DPYD: variants seen among roughly 807,000 people sequenced by gnomAD.
DPYD encodes the protein dihydropyrimidine dehydrogenase.
Under a neutral mutation model 116.2 loss-of-function variants are expected in DPYD, and 109 were observed. That is an observed-to-expected ratio of 0.94 (90% CI 0.80 to 1.10). The LOEUF (loss-of-function observed/expected upper bound fraction) is 1.10. Among genes scored for constraint, DPYD ranks in the 50% least tolerant of loss-of-function variants. The pLI, the probability that DPYD is intolerant of heterozygous loss-of-function variation, is 0.00. For missense variants in DPYD, 1,302 were observed against 1,254.5 expected, an observed-to-expected ratio of 1.04 and a Z score of -0.57; for synonymous variants, 440 against 432.0, an observed-to-expected ratio of 1.02 and a Z score of -0.23.
chr1:97,494,767 C>A (rs1679168073), intron 13 of DPYD, among the ~76,000 whole-genome samples: 1 of 149,182 alleles, frequency 6.7e-6, no homozygotes, highest in South Asian at 2.1e-4. Context: ...CACACACACA[C>A]ACACACACAC....
chr1:97,351,304 T>C (rs889477167), intron 16 of DPYD, among the ~76,000 whole-genome samples: 1 of 152,070 alleles, frequency 6.6e-6, no homozygotes, highest in African/African-American at 2.4e-5. Flanking sequence ...TAAAATGAAC[T>C]ATATGACAAG....
intron 3 of DPYD, among the ~76,000 whole-genome samples, chr1:97,790,872 G>A (rs766782568): frequency 5.3e-5 from 8 of 152,026 alleles, no homozygotes; most frequent in South Asian, 2.1e-4. Context: ...CAATTTTCAC[G>A]TCCTTATTTG....
intron 19 of DPYD, among the ~76,000 whole-genome samples, chr1:97,207,703 C>G (rs58951949): frequency 0.074 from 11,293 of 152,162 alleles, 715 homozygotes; most frequent in East Asian, 0.27. Context: ...GATTCTAACT[C>G]TAATAAAGGA....
intron 20 of DPYD, among the ~76,000 whole-genome samples, chr1:97,105,075 A>T (rs950962733): frequency 3.3e-5 from 5 of 152,142 alleles, no homozygotes; most frequent in African/African-American, 9.7e-5. Context: ...TTATTTTCAT[A>T]TTGAAACAAT....
At chr1:97,324,055 C>A (rs988005727) in intron 16 of DPYD, among the ~76,000 whole-genome samples, 14 of 152,108 alleles carry the variant, frequency 9.2e-5, no homozygotes, top group Admixed American at 7.9e-4. Flanking sequence ...GCAGCATCTC[C>A]TGACAGTATC....
intron 13 of DPYD, among the ~76,000 whole-genome samples, chr1:97,503,045 T>C (rs1326706425): frequency 1.3e-5 from 2 of 152,130 alleles, no homozygotes; most frequent in Admixed American, 6.6e-5. Context: ...CAATAATAAC[T>C]AGTATGATTC....
chr1:97,594,964 G>T, intron 9 of DPYD, 95 bp downstream of exon 9: 1 of 1,000,110 alleles, frequency 1.0e-6, no homozygotes, highest in Non-Finnish European at 1.5e-6. Context: ...GGGTGTGAGA[G>T]CTGAACAATG....
At chr1:97,437,141 T>A (rs904860483) in intron 14 of DPYD, among the ~76,000 whole-genome samples, 34 of 151,740 alleles carry the variant, frequency 2.2e-4, no homozygotes, top group African/African-American at 8.2e-4. Flanking sequence ...ACATATCTAT[T>A]TTGCCAAAAA....
At chr1:97,525,650 C>T (rs1340182875) in intron 12 of DPYD, among the ~76,000 whole-genome samples, 1 of 151,850 alleles carries the variant, frequency 6.6e-6, no homozygotes, top group Admixed American at 6.6e-5. Context: ...GCCCATTATT[C>T]TATGATTCTA....
chr1:97,314,490 C>CTTTTTTTTTTTTTTT (rs66629750), intron 16 of DPYD, among the ~76,000 whole-genome samples: 1 of 123,416 alleles, frequency 8.1e-6, no homozygotes, highest in Non-Finnish European at 1.6e-5. Flanking sequence ...CTAAAGCTTT[C>CTTTTTTTTTTTTTTT]TTTTTTTTTT....
At chr1:97,790,638 T>C (rs1436774718) in intron 3 of DPYD, among the ~76,000 whole-genome samples, 1 of 152,206 alleles carries the variant, frequency 6.6e-6, no homozygotes, top group Non-Finnish European at 1.5e-5. Context: ...AACAGTGTGG[T>C]TATTTTCTGT....
intron 12 of DPYD, chr1:97,546,905 G>T (rs955568235): frequency 3.1e-6 from 5 of 1,609,190 alleles, no homozygotes; most frequent in East Asian, 2.2e-5. Context: ...CAGGAGGACA[G>T]TGAGGGCTTT....
intron 12 of DPYD, among the ~76,000 whole-genome samples, chr1:97,540,359 G>GAAAA (rs1283058812): frequency 7.0e-6 from 1 of 142,732 alleles, no homozygotes; most frequent in Non-Finnish European, 1.5e-5. Flanking sequence ...GCGGGGCAGG[G>GAAAA]AACAAAACAA....
In DPYD at chr1:97,418,296, A is replaced by T. The variant is rs1439075148; in HGVS notation, c.1905+31763T>A. 2.8e-5 allele frequency among the ~76,000 whole-genome samples: 4 copies of T among 144,052 alleles called. No individual in the cohort carries two copies. The East Asian group carries it at 8.5e-4, about 31-fold the overall frequency. 94.5% of individuals were successfully genotyped at this position (144,052 alleles called of 152,430 possible). On this transcript the variant is annotated intron_variant, in intron 14 of 22. Transcript: ENST00000370192. ...TTGCCTCTAGTTCTAATTGAGATAGATATAAGATGATTTTTTTTTTTTTTT... is the reference window on the plus strand; with the variant it reads ...TTGCCTCTAGTTCTAATTGAGATAGTTATAAGATGATTTTTTTTTTTTTTT...
chr1:97,700,822 G>A lies in DPYD; in HGVS notation c.484-1275C>T, dbSNP rs554193071. 7.9e-5 allele frequency among the ~76,000 whole-genome samples: 12 copies of A among 151,620 alleles called. No homozygotes were observed. In the South Asian group the frequency reaches 2.3e-3, roughly 29 times the overall value. On this transcript the variant is annotated intron_variant, in intron 5 of 22. Coordinates refer to ENST00000370192, the MANE Select transcript of DPYD (RefSeq NM_000110.4). The stretch of plus-strand genomic sequence containing the variant: ...AGAATGTAAACTTCATTAAAAGCTG[G>A]AATTTGTTAAAAATAAAAAATTAAA...
chr1:97,742,157 T>C (rs1664303185), intron 3 of DPYD, among the ~76,000 whole-genome samples: 2 of 152,034 alleles, frequency 1.3e-5, no homozygotes, highest in South Asian at 4.1e-4. Flanking sequence ...CTCCAAGAAT[T>C]TCACTGAGCA....
chr1:97,087,674 G>A (rs1394133304), intron 21 of DPYD, among the ~76,000 whole-genome samples: 1 of 152,110 alleles, frequency 6.6e-6, no homozygotes, highest in Admixed American at 6.5e-5. Flanking sequence ...GATGAGCTCA[G>A]GCTTTAAAGT....
intron 17 of DPYD, 86 bp from the exon 18 acceptor site, chr1:97,305,464 T>C (rs1570472333): frequency 4.5e-6 from 7 of 1,562,426 alleles, no homozygotes; most frequent in Non-Finnish European, 8.8e-7. Context: ...CCCAGAAAAA[T>C]GCATTCTATT....
At chr1:97,359,449 A>G (rs1670599009) in intron 16 of DPYD, among the ~76,000 whole-genome samples, 1 of 152,202 alleles carries the variant, frequency 6.6e-6, no homozygotes. Context: ...AATTCAGGAA[A>G]TAGAGAGAAC....
Sources: allele counts gnomAD v4.1 joint callset (sites outside exome capture counted in the v4.1 genomes callset), GRCh38; gene constraint gnomAD v4.1.1; transcripts MANE v1.5; gene names NCBI Gene and HGNC (gene_info 2026-07-23, HGNC 2026-07-21).